The following FHIT variants were observed in gnomAD, a reference collection of about 807,000 sequenced individuals.
FHIT encodes the protein fragile histidine triad diadenosine triphosphatase.
Under a neutral mutation model 17.9 loss-of-function variants are expected in FHIT, and 19 were observed. That is an observed-to-expected ratio of 1.06 (90% CI 0.74 to 1.56). The LOEUF (loss-of-function observed/expected upper bound fraction) is 1.56, where lower values mean the gene tolerates loss of function less well. Ranked by LOEUF, FHIT falls within the 40% of genes most tolerant of loss-of-function variation. The probability of loss-of-function intolerance (pLI) is 0.00; values close to 1 mark genes in which losing one functional copy is unlikely to be tolerated. For synonymous variants in FHIT, 81 were observed against 69.7 expected (o/e 1.16, Z -0.81); for missense variants, 248 against 189.2 (o/e 1.31, Z -1.82).
intron 3 of FHIT, among the ~76,000 whole-genome samples, chr3:60,928,506 G>T (rs1054441771): frequency 1.3e-5 from 2 of 150,862 alleles, no homozygotes; most frequent in Non-Finnish European, 2.9e-5. Flanking sequence ...CCATGATTGT[G>T]CTACTGCACT....
At chr3:60,316,079 C>G (rs999126062) in intron 5 of FHIT, among the ~76,000 whole-genome samples, 4 of 152,124 alleles carry the variant, frequency 2.6e-5, no homozygotes, top group African/African-American at 9.7e-5. Context: ...TGGAAAAATC[C>G]TATCAGGCAA....
At chr3:60,976,233 A>G (rs1377225638) in intron 3 of FHIT, among the ~76,000 whole-genome samples, 2 of 148,860 alleles carry the variant, frequency 1.3e-5, no homozygotes, top group Non-Finnish European at 3.0e-5. Flanking sequence ...CAGCCTCCCA[A>G]GTAGCTGGAA....
At chr3:60,619,285 G>A (rs1472115518) in intron 4 of FHIT, among the ~76,000 whole-genome samples, 2 of 152,050 alleles carry the variant, frequency 1.3e-5, no homozygotes, top group African/African-American at 2.4e-5. Flanking sequence ...TGAATAAAAT[G>A]TAAATAAAGG....
At chr3:59,765,510 C>T (rs1701748675) in intron 8 of FHIT, among the ~76,000 whole-genome samples, 1 of 152,196 alleles carries the variant, frequency 6.6e-6, no homozygotes. Flanking sequence ...GATATTTTTA[C>T]ATTAACTTGA....
chr3:60,836,836 G>A (rs1702559309), intron 3 of FHIT, among the ~76,000 whole-genome samples: 1 of 152,160 alleles, frequency 6.6e-6, no homozygotes, highest in African/African-American at 2.4e-5. Context: ...TGCAAGAATT[G>A]TACTAAGTAT....
At chr3:60,947,384 T>C (rs1233171119) in intron 3 of FHIT, among the ~76,000 whole-genome samples, 4 of 152,196 alleles carry the variant, frequency 2.6e-5, no homozygotes, top group Non-Finnish European at 5.9e-5. Flanking sequence ...TTCTAAGATC[T>C]AAGTGTCCCT....
intron 3 of FHIT, among the ~76,000 whole-genome samples, chr3:60,870,758 G>A (rs1575623004): frequency 6.6e-6 from 1 of 152,116 alleles, no homozygotes; most frequent in East Asian, 1.9e-4. Flanking sequence ...CCAACTGCTG[G>A]TTGTAAAATC....
intron 2 of FHIT, among the ~76,000 whole-genome samples, chr3:61,090,768 TAAAC>T (rs1357333970): frequency 6.6e-6 from 1 of 152,144 alleles, no homozygotes; most frequent in Non-Finnish European, 1.5e-5. Context: ...TGTCTAAAGA[TAAAC>T]AAAAATAACG....
chr3:61,000,118 G>A (rs2030964294), intron 3 of FHIT, among the ~76,000 whole-genome samples: 1 of 152,126 alleles, frequency 6.6e-6, no homozygotes, highest in South Asian at 2.1e-4. Context: ...CCTGAGTGAG[G>A]GTGAGAAGGG....
rs556539926 is a variant in FHIT, at chr3:61,224,503, G to A, written c.-212-23838C>T. 2.4e-4 allele frequency among the ~76,000 whole-genome samples: 36 copies of A among 152,122 alleles called. No homozygotes were observed. The East Asian group carries it at 6.4e-3, about 27-fold the overall frequency. ...ATGATCTCGGCTCACTCTGCCTCCC[G>A]GGTTCAAGCAATTCTCCTGCCTCAG... is the stretch of plus-strand genomic sequence containing the variant. On this transcript the variant is annotated intron_variant, in intron 1 of 9. Transcript: ENST00000492590.
At chr3:60,181,325 T>C (rs1240971000) in intron 5 of FHIT, among the ~76,000 whole-genome samples, 1 of 151,954 alleles carries the variant, frequency 6.6e-6, no homozygotes, top group Non-Finnish European at 1.5e-5. Flanking sequence ...TTTATGTTTT[T>C]AGTAGATACG....
rs1240833175 is a variant in FHIT at position 61,156,899 on chromosome 3, G to A, written c.-164+43718C>T. On this transcript the variant is annotated intron_variant, in intron 2 of 9. Coordinates refer to ENST00000492590, the MANE Select transcript of FHIT (RefSeq NM_002012.4). The stretch of plus-strand genomic sequence containing the variant: ...TCTTTCCACCTTACAATCCTCTAGA[G>A]ATTCTCCTGCAAATACAGACTCTTG... 2.0e-5 allele frequency among the ~76,000 whole-genome samples: 3 copies of A among 152,104 alleles called. No individual in the cohort carries two copies. The East Asian group carries it at 5.8e-4, about 29-fold the overall frequency.
intron 5 of FHIT, among the ~76,000 whole-genome samples, chr3:60,155,850 C>T (rs892693985): frequency 6.6e-6 from 1 of 152,164 alleles, no homozygotes; most frequent in African/African-American, 2.4e-5. Flanking sequence ...TCAACCGTCA[C>T]CCAAGTAAAG....
chr3:61,022,665 C>T (rs565232858), intron 3 of FHIT, among the ~76,000 whole-genome samples: 2 of 152,278 alleles, frequency 1.3e-5, no homozygotes, highest in East Asian at 1.9e-4. Context: ...TTGGCTTAAT[C>T]CCTGGGATGC....
intron 5 of FHIT, among the ~76,000 whole-genome samples, chr3:60,094,435 C>G (rs954679837): frequency 2.3e-5 from 3 of 130,176 alleles, no homozygotes; most frequent in African/African-American, 9.8e-5. Flanking sequence ...TTTGTATCAC[C>G]TGGAAAAAAA....
chr3:60,814,869 TG>T (rs1276083807), intron 4 of FHIT, among the ~76,000 whole-genome samples: 2 of 148,752 alleles, frequency 1.3e-5, no homozygotes, highest in Non-Finnish European at 1.5e-5. Flanking sequence ...CACCAACATG[TG>T]GTTTTTTTTT....
At chr3:60,176,696 C>A (rs1237963312) in intron 5 of FHIT, among the ~76,000 whole-genome samples, 1 of 152,108 alleles carries the variant, frequency 6.6e-6, no homozygotes. Context: ...GTCAGGCCTT[C>A]CTAGGAGCTT....
chr3:59,953,096 C>T (rs569229241), intron 7 of FHIT, among the ~76,000 whole-genome samples: 108 of 152,034 alleles, frequency 7.1e-4, no homozygotes, highest in Admixed American at 1.3e-3. Context: ...TCTTTATGTA[C>T]GTATCTGTGT....
chr3:59,872,349 C>T (rs571561749), intron 8 of FHIT, among the ~76,000 whole-genome samples: 79 of 152,208 alleles, frequency 5.2e-4, no homozygotes, highest in African/African-American at 1.6e-3. Context: ...ATGAGGAGGG[C>T]GATGAGGCTG....
Sources: gnomAD v4.1 joint callset for allele counts (sites outside exome capture counted in the v4.1 genomes callset) on GRCh38, gnomAD v4.1.1 for gene constraint, MANE v1.5 for transcripts, NCBI Gene and HGNC (gene_info 2026-07-23, HGNC 2026-07-21) for gene names.